KCNK9: variants seen among roughly 807,000 people sequenced by gnomAD.
KCNK9 encodes the protein potassium channel subfamily K member 9.
In KCNK9, 1 loss-of-function variant was observed where a neutral mutation model predicts 10.8. That is an observed-to-expected ratio of 0.09 (90% CI 0.03 to 0.44). The LOEUF (loss-of-function observed/expected upper bound fraction) is 0.44. KCNK9 is among the 20% of genes least tolerant of loss of function. The pLI is 0.97. For missense variants in KCNK9, 303 were observed against 515.0 expected (o/e 0.59, Z 3.98); for synonymous variants, 231 against 222.7 (o/e 1.04, Z -0.33).
intron 1 of KCNK9, among the ~76,000 whole-genome samples, chr8:139,622,618 C>A (rs978490220): frequency 6.6e-6 from 1 of 152,218 alleles, no homozygotes; most frequent in Non-Finnish European, 1.5e-5. Flanking sequence ...TGCTTCCCCC[C>A]AAACCTGCCT....
intron 1 of KCNK9, among the ~76,000 whole-genome samples, chr8:139,635,614 T>G (rs1815313978): frequency 6.6e-6 from 1 of 152,242 alleles, no homozygotes; most frequent in African/African-American, 2.4e-5. Flanking sequence ...TTAATTTATC[T>G]CCTGGACTCC....
At chr8:139,662,357 C>T (rs181519078) in intron 1 of KCNK9, among the ~76,000 whole-genome samples, 108 of 152,128 alleles carry the variant, frequency 7.1e-4, no homozygotes, top group African/African-American at 2.5e-3. Flanking sequence ...GGATGGGGGA[C>T]GAGGGGACAC....
chr8:139,671,713 T>C (rs375472617), intron 1 of KCNK9, among the ~76,000 whole-genome samples: 6 of 152,092 alleles, frequency 3.9e-5, no homozygotes, highest in African/African-American at 1.4e-4. Context: ...TAGAATGTAA[T>C]TGTTTTTTGT....
At chr8:139,631,656 A>T (rs568490590) in intron 1 of KCNK9, among the ~76,000 whole-genome samples, 3 of 152,282 alleles carry the variant, frequency 2.0e-5, no homozygotes, top group African/African-American at 4.8e-5. Flanking sequence ...CTCCAAAAAA[A>T]TTTTTAGAAA....
At chr8:139,691,844 C>G (rs1246818287) in intron 1 of KCNK9, among the ~76,000 whole-genome samples, 1 of 152,212 alleles carries the variant, frequency 6.6e-6, no homozygotes, top group Non-Finnish European at 1.5e-5. Flanking sequence ...CAGCCACACC[C>G]CAGCTTGCTT....
intron 1 of KCNK9, among the ~76,000 whole-genome samples, chr8:139,671,559 A>G: frequency 6.8e-6 from 1 of 147,070 alleles, no homozygotes; most frequent in African/African-American, 2.5e-5. Flanking sequence ...TGCCCAGGCT[A>G]GAGTGCAGTA....
intron 1 of KCNK9, among the ~76,000 whole-genome samples, chr8:139,631,299 G>A (rs1476241348): frequency 6.6e-6 from 1 of 152,220 alleles, no homozygotes; most frequent in Non-Finnish European, 1.5e-5. Flanking sequence ...CTGGCGCTGG[G>A]CCGGGGACTG....
At chr8:139,696,727 G>T (rs1348583002) in intron 1 of KCNK9, among the ~76,000 whole-genome samples, 1 of 151,464 alleles carries the variant, frequency 6.6e-6, no homozygotes, top group Non-Finnish European at 1.5e-5. Context: ...GAGTGGGTGG[G>T]TGAATAGATG....
At position 139,687,486 on chromosome 8, in the gene KCNK9, A is replaced by ATATATTTATATATATG. The variant is rs1563751862; in HGVS notation, c.283+15223_283+15224insCATATATATAAATATA. Among the ~76,000 whole-genome samples, 4 of 68,148 alleles carry ATATATTTATATATATG rather than the reference A, an allele frequency of 5.9e-5. 1 individual carries two copies. The highest frequency in any genetic ancestry group is 2.2e-4 in the African/African-American group (4 of 18,006). The allele number at this position is 68,148 out of a possible 152,430, so 44.7% of individuals were successfully genotyped here. On this transcript the variant is annotated intron_variant, in intron 1 of 1. Coordinates refer to ENST00000520439, the MANE Select transcript of KCNK9 (RefSeq NM_001282534.2). The stretch of plus-strand genomic sequence containing the variant: ...CATATATTCATATATATGTATACAT[A>ATATATTTATATATATG]TATACACATATATACATATATATGT...
chr8:139,610,902 G>A (rs929575674), downstream of KCNK9, among the ~76,000 whole-genome samples: 5 of 152,228 alleles, frequency 3.3e-5, no homozygotes, highest in African/African-American at 7.2e-5. Context: ...TTCCACTGAC[G>A]GTGGGATGGA....
At chr8:139,608,622 G>T (rs190137402), downstream of KCNK9, among the ~76,000 whole-genome samples, 2 of 151,622 alleles carry the variant, frequency 1.3e-5, no homozygotes, top group Admixed American at 6.5e-5. Context: ...CAGGCTTTGC[G>T]GGGGGGCGGG....
intron 1 of KCNK9, among the ~76,000 whole-genome samples, chr8:139,667,794 AT>A (rs1416169661): frequency 1.3e-5 from 2 of 152,044 alleles, no homozygotes; most frequent in East Asian, 3.9e-4. Context: ...GCTGATTAAG[AT>A]TCCATTGCAC....
chr8:139,618,143 A>G lies in KCNK9; in HGVS notation c.*115T>C. 1 of 1,391,308 alleles carries G rather than the reference A, an allele frequency of 7.2e-7. No individual in the cohort carries two copies. The allele number at this position is 1,391,308 out of a possible 1,614,324, so 86.2% of individuals were successfully genotyped here. On this transcript the variant is annotated 3_prime_UTR_variant, in exon 2 of 2. Coordinates refer to ENST00000520439, the MANE Select transcript of KCNK9 (RefSeq NM_001282534.2). The surrounding 1 kb of genome is among the most constrained non-coding windows in gnomAD (Gnocchi z 7.9). ...AGACCAAGAAAGGAGGAAGGAGAGAAAGTAATAATGATGACAATAATAATA... is the reference window on the plus strand; with the variant it reads ...AGACCAAGAAAGGAGGAAGGAGAGAGAGTAATAATGATGACAATAATAATA...
chr8:139,687,587 T>TATATTCATATATATGTATAC (rs1816838733), intron 1 of KCNK9, among the ~76,000 whole-genome samples: 4 of 63,156 alleles, frequency 6.3e-5, no homozygotes, highest in African/African-American at 2.3e-4. Flanking sequence ...TATGTATACA[T>TATATTCATATATATGTATAC]ATATATTCAT....
At position 139,687,459 on chromosome 8, in the gene KCNK9, T is replaced by C. The variant is rs780028423; in HGVS notation, c.283+15251A>G. Among the ~76,000 whole-genome samples the C allele has an allele frequency of 1.9e-4, 25 of 133,930 alleles. 1 individual carries two copies. Among genetic ancestry groups the C allele is most frequent in the African/African-American group, 4.3e-4 (15 of 35,254 alleles). 87.9% of individuals were successfully genotyped at this position (133,930 alleles called of 152,430 possible). A position where few individuals can be genotyped will look rare whatever the true frequency, so the allele number is the denominator to read the frequency against. The stretch of plus-strand genomic sequence containing the variant: ...TCATATATATGTATACACATATATA[T>C]TCATATATTCATATATATGTATACA... On this transcript the variant is annotated intron_variant, in intron 1 of 1. Transcript: ENST00000520439.
intron 1 of KCNK9, among the ~76,000 whole-genome samples, chr8:139,681,927 A>G (rs1331116276): frequency 6.6e-6 from 1 of 152,240 alleles, no homozygotes; most frequent in African/African-American, 2.4e-5. Context: ...CAGGTGGGGC[A>G]CAAAGGGTTA....
At chr8:139,608,772 G>A (rs987305215), downstream of KCNK9, among the ~76,000 whole-genome samples, 3 of 152,228 alleles carry the variant, frequency 2.0e-5, no homozygotes, top group Admixed American at 2.0e-4. Flanking sequence ...CCTTCTGGGG[G>A]CCACTGTTGT....
At chr8:139,634,191 T>C (rs940935937) in intron 1 of KCNK9, among the ~76,000 whole-genome samples, 1 of 152,200 alleles carries the variant, frequency 6.6e-6, no homozygotes, top group African/African-American at 2.4e-5. Context: ...CAAGTTTAAA[T>C]GGCTTCAGGG....
intron 1 of KCNK9, among the ~76,000 whole-genome samples, chr8:139,675,805 G>T (rs2129747801): frequency 6.6e-6 from 1 of 151,520 alleles, no homozygotes; most frequent in East Asian, 1.9e-4. Context: ...AGGTCTCCTA[G>T]AAGCCTCCTG....
Sources: gnomAD v4.1 joint callset for allele counts (sites outside exome capture counted in the v4.1 genomes callset) on GRCh38, gnomAD v4.1.1 for gene constraint, Gnocchi (gnomAD v3.1) non-coding constraint, MANE v1.5 for transcripts, NCBI Gene and HGNC (gene_info 2026-07-23, HGNC 2026-07-21) for gene names.